PCDHA2: variants seen among roughly 807,000 people sequenced by gnomAD.
PCDHA2 encodes the protein protocadherin alpha 2.
In PCDHA2, 58 loss-of-function variants were observed where a neutral mutation model predicts 66.0. The ratio of observed to expected loss-of-function variants is 0.88; its 90% CI spans 0.71 to 1.09. PCDHA2 has a LOEUF of 1.09. PCDHA2 is among the 50% of genes least tolerant of loss of function. PCDHA2 has a pLI of 0.00. For synonymous variants in PCDHA2, 634 were observed against 554.0 expected, an observed-to-expected ratio of 1.14 and a Z score of -2.03; for missense variants, 1,267 against 1,242.3, an observed-to-expected ratio of 1.02 and a Z score of -0.30.
At chr5:140,929,174 G>A (rs782544510) in intron 1 of PCDHA2, 2 of 1,614,140 alleles carry the variant, frequency 1.2e-6, no homozygotes, top group East Asian at 4.5e-5. Context: ...GCCTCTCTGG[G>A]ACTTGGTTCT....
intron 1 of PCDHA2, among the ~76,000 whole-genome samples, chr5:140,946,432 A>C (rs1254032204): frequency 6.6e-6 from 1 of 151,682 alleles, no homozygotes; most frequent in Admixed American, 6.6e-5. Context: ...GTTACTCAAA[A>C]ATTGAGACTA....
chr5:140,803,668 ATTAATAG>A (rs1282564617), intron 1 of PCDHA2: 2 of 1,599,004 alleles, frequency 1.3e-6, no homozygotes, highest in East Asian at 2.2e-5. Flanking sequence ...CTGGAAATAC[ATTAATAG>A]TTAAGTATGA....
In PCDHA2 at chr5:140,957,188, C is replaced by T. The variant is rs374236292; in HGVS notation, c.2389-21761C>T. On this transcript the variant is annotated intron_variant, in intron 1 of 3. Transcript: ENST00000526136. ...GTATATAAATTGGTTTATTGATGAC[C>T]GATTGGGAATATAAATAGGCACAAA... is the stretch of plus-strand genomic sequence containing the variant. 2.1e-3 allele frequency among the ~76,000 whole-genome samples: 315 copies of T among 151,992 alleles called. 3 individuals carry two copies. The highest frequency in any genetic ancestry group is 7.3e-3 in the African/African-American group (304 of 41,464).
At chr5:140,974,799 A>G (rs116037205) in intron 1 of PCDHA2, among the ~76,000 whole-genome samples, 2 of 152,294 alleles carry the variant, frequency 1.3e-5, no homozygotes, top group African/African-American at 2.4e-5. Context: ...TCATTTTGAT[A>G]TACTAGAAGA....
intron 3 of PCDHA2, among the ~76,000 whole-genome samples, chr5:140,995,493 G>T (rs1427672474): frequency 6.6e-6 from 1 of 152,148 alleles, no homozygotes; most frequent in Non-Finnish European, 1.5e-5. Flanking sequence ...TCAGACTAAG[G>T]TTGACTGTGG....
At chr5:140,954,968 G>T (rs531304394) in intron 1 of PCDHA2, among the ~76,000 whole-genome samples, 4 of 152,200 alleles carry the variant, frequency 2.6e-5, no homozygotes, top group African/African-American at 9.6e-5. Context: ...TAAGGAAAGG[G>T]TCCAGTTTCA....
At chr5:140,802,980 C>T (rs1299551760) in intron 1 of PCDHA2, 1 of 1,613,880 alleles carries the variant, frequency 6.2e-7, no homozygotes, top group African/African-American at 1.3e-5. Flanking sequence ...AGCGAAGGTG[C>T]GCGCAGTGGA....
At chr5:140,900,538 A>G (rs1341812228) in intron 1 of PCDHA2, among the ~76,000 whole-genome samples, 1 of 152,162 alleles carries the variant, frequency 6.6e-6, no homozygotes, top group Non-Finnish European at 1.5e-5. Context: ...CGGCTTTCCA[A>G]AGTGCTGGGA....
intron 2 of PCDHA2, among the ~76,000 whole-genome samples, chr5:140,980,702 G>A (rs1472407152): frequency 6.6e-6 from 1 of 151,558 alleles, no homozygotes; most frequent in Non-Finnish European, 1.5e-5. Flanking sequence ...AAAGCCAAAT[G>A]TGCTCCTATT....
chr5:140,954,724 C>T (rs2095079319), intron 1 of PCDHA2, among the ~76,000 whole-genome samples: 1 of 152,196 alleles, frequency 6.6e-6, no homozygotes, highest in Admixed American at 6.5e-5. Context: ...TGTAGGTTGT[C>T]TTTTCACTCT....
Position 140,809,052 on chromosome 5 carries a change from TC to T in PCDHA2, c.2388+11702del, listed in dbSNP as rs1764348269. On this transcript the variant is annotated intron_variant, in intron 1 of 3. Transcript: ENST00000526136. ...GGGACTGGTGGCGCGCGCATCCCGTTCCGCGTGGGGCTGTACACTGGCGAGA... is the reference window on the plus strand; with the variant it reads ...GGGACTGGTGGCGCGCGCATCCCGTTCGCGTGGGGCTGTACACTGGCGAGA... 5.0e-6 allele frequency: 8 copies of T among 1,613,874 alleles called. No homozygotes were observed. The East Asian group carries it at 1.8e-4, about 36-fold the overall frequency.
At chr5:140,993,777 G>A (rs1397168086) in intron 3 of PCDHA2, among the ~76,000 whole-genome samples, 1 of 152,042 alleles carries the variant, frequency 6.6e-6, no homozygotes, top group Non-Finnish European at 1.5e-5. Flanking sequence ...GCAGTATTTT[G>A]TACAGTAACA....
chr5:140,844,298 GT>G (rs141549111), intron 1 of PCDHA2, among the ~76,000 whole-genome samples: 3,056 of 149,412 alleles, frequency 0.02, 290 homozygotes, highest in Non-Finnish European at 0.031. Flanking sequence ...AAATTTGATA[GT>G]TTTCATATTC....
intron 1 of PCDHA2, chr5:140,926,694 G>T: frequency 4.0e-6 from 3 of 746,722 alleles, no homozygotes; most frequent in Non-Finnish European, 5.8e-6. Flanking sequence ...TAGCAAGCCC[G>T]GCTCCCAGCT....
chr5:140,987,120 A>G (rs1224513029), intron 3 of PCDHA2, among the ~76,000 whole-genome samples: 9 of 151,956 alleles, frequency 5.9e-5, no homozygotes, highest in African/African-American at 2.2e-4. Context: ...AGGCTGAGGC[A>G]GGAGAATTGC....
In PCDHA2 at chr5:140,987,224, A is replaced by AAT. The variant is rs1554248891; in HGVS notation, c.2536+4662_2536+4663insTA. Among the ~76,000 whole-genome samples, 91 of 152,046 alleles carry AAT rather than the reference A, an allele frequency of 6.0e-4. 1 individual carries two copies. Among genetic ancestry groups the AAT allele is most frequent in the African/African-American group, 2.0e-3 (84 of 41,424 alleles). ...GTGAGACTCCATCTCAAAAAAAAAA[A>AAT]AAATAATAAATAAAGAAAGAAAGAC... On this transcript the variant is annotated intron_variant, in intron 3 of 3. Coordinates refer to ENST00000526136, the MANE Select transcript of PCDHA2 (RefSeq NM_018905.3).
intron 2 of PCDHA2, among the ~76,000 whole-genome samples, chr5:140,979,550 T>C (rs1201791524): frequency 5.3e-5 from 8 of 152,238 alleles, no homozygotes; most frequent in Non-Finnish European, 7.3e-5. Flanking sequence ...ACATGGTTCT[T>C]CAGAAGATGA....
intron 1 of PCDHA2, chr5:140,850,513 G>C (rs782718204): frequency 2.5e-6 from 4 of 1,598,108 alleles, no homozygotes; most frequent in Non-Finnish European, 2.6e-6. Flanking sequence ...GTGGAGAGCG[G>C]CCAGGCGCCA....
chr5:140,877,006 G>T, intron 1 of PCDHA2: 2 of 1,612,484 alleles, frequency 1.2e-6, no homozygotes, highest in Non-Finnish European at 1.7e-6. Context: ...GTCGGTGCAC[G>T]CGGAGAGCGG....
Sources: allele counts gnomAD v4.1 joint callset (sites outside exome capture counted in the v4.1 genomes callset), GRCh38; gene constraint gnomAD v4.1.1; transcripts MANE v1.5; gene names NCBI Gene and HGNC (gene_info 2026-07-23, HGNC 2026-07-21).